The following AKAP19 variants were observed in gnomAD, a reference collection of about 807,000 sequenced individuals.
The protein encoded by AKAP19 is A-kinase anchoring protein 19.
the AKAP19 span, among the ~76,000 whole-genome samples, chr2:189,902,107 T>G: frequency 6.6e-6 from 1 of 152,060 alleles, no homozygotes; most frequent in East Asian, 1.9e-4. Context: ...GTAATAAATT[T>G]TAATATCTCA....
chr2:189,985,620 A>G, the AKAP19 span, among the ~76,000 whole-genome samples: 2 of 152,280 alleles, frequency 1.3e-5, no homozygotes, highest in African/African-American at 4.8e-5. Flanking sequence ...ATCCCAAGGA[A>G]CACAATTCTG....
chr2:190,116,642 C>A, the AKAP19 span, among the ~76,000 whole-genome samples: 3 of 152,140 alleles, frequency 2.0e-5, no homozygotes, highest in Admixed American at 1.3e-4. Flanking sequence ...TCCTAAGGAC[C>A]ACTCACAGGG....
chr2:190,057,588 C>T, the AKAP19 span: 503 of 1,613,262 alleles, frequency 3.1e-4, 4 homozygotes, highest in African/African-American at 6.0e-3. Context: ...GACCAAAATC[C>T]CTTCTGGATC....
the AKAP19 span, among the ~76,000 whole-genome samples, chr2:190,177,499 C>A: frequency 2.6e-5 from 4 of 152,218 alleles, no homozygotes; most frequent in Non-Finnish European, 5.9e-5. The surrounding 1 kb of genome is among the most constrained non-coding windows in gnomAD (Gnocchi z 4.6). Context: ...TCCTTCCTGA[C>A]AAGGCCACAT....
chr2:189,901,106 C>T, the AKAP19 span, among the ~76,000 whole-genome samples: 1 of 151,874 alleles, frequency 6.6e-6, no homozygotes, highest in Non-Finnish European at 1.5e-5. Flanking sequence ...CAGCCTGACC[C>T]CTTTTCTCTT....
At chr2:189,925,580 T>G in the AKAP19 span, among the ~76,000 whole-genome samples, 1 of 152,162 alleles carries the variant, frequency 6.6e-6, no homozygotes, top group African/African-American at 2.4e-5. Context: ...GACATGTCCA[T>G]AGGTTCATTT....
the AKAP19 span, among the ~76,000 whole-genome samples, chr2:189,891,223 CTTT>C: frequency 3.2e-4 from 35 of 110,448 alleles, no homozygotes; most frequent in African/African-American, 1.3e-3. Flanking sequence ...TTTTTTTTTC[CTTT>C]TTTTTTTTTT....
the AKAP19 span, chr2:190,201,604 C>T: frequency 6.0e-6 from 1 of 166,882 alleles, no homozygotes; most frequent in African/African-American, 2.4e-5. Context: ...ACTTTGAAAC[C>T]CACAATCAAA....
chr2:190,122,517 T>A, the AKAP19 span, among the ~76,000 whole-genome samples: 1 of 152,234 alleles, frequency 6.6e-6, no homozygotes, highest in African/African-American at 2.4e-5. Context: ...TAGGGCAGAC[T>A]TCTGTTTCCT....
At chr2:190,172,305 G>T in the AKAP19 span, among the ~76,000 whole-genome samples, 2 of 151,928 alleles carry the variant, frequency 1.3e-5, no homozygotes, top group African/African-American at 4.8e-5. Context: ...TTACTAGTTT[G>T]TTTACTTATA....
At chr2:189,988,672 C>G in the AKAP19 span, among the ~76,000 whole-genome samples, 1 of 152,174 alleles carries the variant, frequency 6.6e-6, no homozygotes, top group African/African-American at 2.4e-5. Flanking sequence ...GGACAAAGGT[C>G]TGCATGGATA....
the AKAP19 span, among the ~76,000 whole-genome samples, chr2:190,122,963 C>A: frequency 1.3e-5 from 2 of 151,982 alleles, no homozygotes; most frequent in Non-Finnish European, 2.9e-5. Context: ...GCATATACCA[C>A]CATGCCTGGC....
chr2:189,907,972 C>T, the AKAP19 span, among the ~76,000 whole-genome samples: 1 of 151,766 alleles, frequency 6.6e-6, no homozygotes, highest in Non-Finnish European at 1.5e-5. Flanking sequence ...TAAAGGTTTG[C>T]CAATTTTGCT....
chr2:190,063,641 G>A, the AKAP19 span, among the ~76,000 whole-genome samples: 3 of 152,036 alleles, frequency 2.0e-5, no homozygotes, highest in Admixed American at 6.6e-5. Context: ...AGAATATTAT[G>A]AGCACATAAA....
chr2:190,004,607 GT>G, the AKAP19 span, among the ~76,000 whole-genome samples: 17 of 149,322 alleles, frequency 1.1e-4, no homozygotes, highest in East Asian at 3.1e-3. Flanking sequence ...AGAGCAACAT[GT>G]TTTTCACACC....
the AKAP19 span, among the ~76,000 whole-genome samples, chr2:189,893,762 A>G: frequency 6.6e-6 from 1 of 152,202 alleles, no homozygotes; most frequent in Non-Finnish European, 1.5e-5. Context: ...ACTGCAAATC[A>G]AAACATTTGG....
chr2:189,912,960 G>A, the AKAP19 span, among the ~76,000 whole-genome samples: 1 of 152,066 alleles, frequency 6.6e-6, no homozygotes, highest in African/African-American at 2.4e-5. Flanking sequence ...CAAAGCTGTA[G>A]AGTATTTTAT....
At chr2:189,957,967 T>C in the AKAP19 span, among the ~76,000 whole-genome samples, 1 of 152,104 alleles carries the variant, frequency 6.6e-6, no homozygotes, top group Admixed American at 6.5e-5. Context: ...CTAATTTTTG[T>C]ATTTTCAGTA....
chr2:190,181,768 CAG>C, the AKAP19 span, among the ~76,000 whole-genome samples: 2 of 152,248 alleles, frequency 1.3e-5, no homozygotes, highest in African/African-American at 4.8e-5. Flanking sequence ...GCAGCTCTCT[CAG>C]GGAAATTTTT....
Sources: allele counts gnomAD v4.1 joint callset (sites outside exome capture counted in the v4.1 genomes callset), GRCh38; gene constraint gnomAD v4.1.1; non-coding constraint Gnocchi (gnomAD v3.1); transcripts MANE v1.5; gene names NCBI Gene and HGNC (gene_info 2026-07-23, HGNC 2026-07-21).